The following ELP3 variants were observed in gnomAD, a reference collection of about 807,000 sequenced individuals.
ELP3 encodes elongator acetyltransferase complex subunit 3.
A neutral mutation model predicts 74.9 loss-of-function variants in ELP3; 56 were observed. The ratio of observed to expected loss-of-function variants is 0.75; its 90% CI spans 0.60 to 0.93. The LOEUF is 0.93. Among genes scored for constraint, ELP3 ranks in the 40% least tolerant of loss-of-function variants. The pLI, the probability that ELP3 is intolerant of heterozygous loss-of-function variation, is 0.00. For synonymous variants in ELP3, 222 were observed against 239.8 expected (o/e 0.93, Z 0.68); for missense variants, 573 against 686.5 (o/e 0.83, Z 1.85).
intron 7 of ELP3, among the ~76,000 whole-genome samples, chr8:28,120,236 C>A (rs971524728): frequency 6.6e-6 from 1 of 152,206 alleles, no homozygotes; most frequent in Non-Finnish European, 1.5e-5. Flanking sequence ...CACATCTTCA[C>A]CAACATATGG....
chr8:28,164,051 G>T (rs1814211468), intron 14 of ELP3, among the ~76,000 whole-genome samples: 1 of 152,230 alleles, frequency 6.6e-6, no homozygotes, highest in African/African-American at 2.4e-5. Flanking sequence ...TAATAGTCAA[G>T]TGACTTTCTG....
intron 6 of ELP3, 146 bp from the exon 7 acceptor site, chr8:28,112,873 T>C: frequency 1.7e-6 from 1 of 591,914 alleles, no homozygotes; most frequent in Non-Finnish European, 2.6e-6. Flanking sequence ...CTATTTTTTA[T>C]CCACAGAATT....
chr8:28,189,013 T>A (rs1186785647), intron 14 of ELP3, among the ~76,000 whole-genome samples: 6 of 152,202 alleles, frequency 3.9e-5, no homozygotes, highest in Admixed American at 3.9e-4. Context: ...TTGCTTGGTA[T>A]GGAAAACCTA....
chr8:28,127,557 T>G (rs1812628217), intron 7 of ELP3, among the ~76,000 whole-genome samples: 1 of 152,142 alleles, frequency 6.6e-6, no homozygotes, highest in South Asian at 2.1e-4. Flanking sequence ...ATTTGAAAAA[T>G]GTTTTCCCTC....
intron 14 of ELP3, among the ~76,000 whole-genome samples, chr8:28,172,996 T>C (rs1432326564): frequency 6.6e-6 from 1 of 152,082 alleles, no homozygotes; most frequent in Non-Finnish European, 1.5e-5. Context: ...TTGGTTGTGG[T>C]ATATAATCCT....
intron 14 of ELP3, among the ~76,000 whole-genome samples, chr8:28,165,162 A>T (rs1219728100): frequency 6.6e-6 from 1 of 152,088 alleles, no homozygotes; most frequent in African/African-American, 2.4e-5. Flanking sequence ...TCCGTATTTT[A>T]AAAAAGTGGA....
chr8:28,120,966 T>C (rs986043306), intron 7 of ELP3, among the ~76,000 whole-genome samples: 6 of 152,248 alleles, frequency 3.9e-5, no homozygotes, highest in African/African-American at 1.4e-4. Flanking sequence ...TCAAGTAATA[T>C]GAGTCTTCTA....
intron 10 of ELP3, among the ~76,000 whole-genome samples, chr8:28,148,545 C>T (rs955024175): frequency 7.2e-5 from 11 of 152,106 alleles, no homozygotes; most frequent in African/African-American, 2.7e-4. Context: ...TAACTGGATA[C>T]CATTAAGTAT....
intron 14 of ELP3, among the ~76,000 whole-genome samples, chr8:28,165,439 T>C (rs718343): frequency 0.49 from 73,769 of 152,032 alleles, 18,780 homozygotes; most frequent in East Asian, 0.91. Context: ...CTGGTGATAC[T>C]GTTTGACCTA....
intron 14 of ELP3, among the ~76,000 whole-genome samples, chr8:28,169,322 AC>A (rs369299464): frequency 4.3e-4 from 65 of 152,260 alleles, no homozygotes; most frequent in African/African-American, 1.4e-3. Flanking sequence ...TAAAACAACA[AC>A]CCTCTTATTT....
chr8:28,185,077 C>T (rs1156598322), intron 14 of ELP3, among the ~76,000 whole-genome samples: 4 of 152,136 alleles, frequency 2.6e-5, no homozygotes, highest in African/African-American at 9.7e-5. Context: ...GTGTGTTTGA[C>T]ATTCTCCAAG....
Position 28,137,884 on chromosome 8 carries a change from G to A in ELP3, c.1093G>A (p.Val365Ile). ...LVPPWTRVYR[V>I]QRDIPMPLVS... ...GCCTCCATGGACTCGAGTGTACCGA[G>A]TACAGAGGTAGTGTGTTATCTTTTA... is the stretch of plus-strand genomic sequence containing the variant. Residue 365 changes from valine to isoleucine, a missense_variant, in exon 10 of 15, where the codon GTA becomes ATA. Val to Ile is a conservative substitution (Grantham distance 29). Coordinates refer to ENST00000256398, the MANE Select transcript of ELP3 (RefSeq NM_018091.6). 6.3e-7 allele frequency: 1 copy of A among 1,597,716 alleles called. No homozygotes were observed. Among genetic ancestry groups the A allele is most frequent in the Non-Finnish European group, 8.5e-7 (1 of 1,175,630 alleles).
chr8:28,136,504 T>A (rs1374946887), intron 9 of ELP3, among the ~76,000 whole-genome samples: 2 of 152,198 alleles, frequency 1.3e-5, no homozygotes, highest in Admixed American at 1.3e-4. Context: ...GGCTGCAGAA[T>A]ATTTATTAAA....
intron 14 of ELP3, among the ~76,000 whole-genome samples, chr8:28,180,212 T>A (rs991966376): frequency 6.6e-6 from 1 of 152,152 alleles, no homozygotes; most frequent in Non-Finnish European, 1.5e-5. Flanking sequence ...AACACATGCA[T>A]ATTGACTCTA....
intron 9 of ELP3, among the ~76,000 whole-genome samples, chr8:28,136,317 T>C (rs888485740): frequency 1.8e-4 from 28 of 152,260 alleles, no homozygotes; most frequent in Middle Eastern, 3.4e-3. Flanking sequence ...TTTTAAATTC[T>C]CTAGTGTAAC....
rs761643965 is a variant in ELP3 at position 28,158,576 on chromosome 8, T to C, written c.1200T>C (p.Asp400=). 19 of 1,608,230 alleles carry C rather than the reference T, an allele frequency of 1.2e-5. No individual in the cohort carries two copies. The highest frequency in any genetic ancestry group is 1.5e-5 in the Non-Finnish European group (18 of 1,177,986). ...RMKDLGIQCR[D]VRTREVGIQE... is the part of the protein sequence containing the mutation. ...CCATTTTTTTTTGACAGTGTCGAGA[T>C]GTGAGAACCAGAGAAGTTGGAATCC... The change falls in exon 12 of 15, where the codon GAT becomes GAC. Residue 400 remains aspartate, a synonymous_variant. Transcript: ENST00000256398.
chr8:28,093,542 TTTTCA>T, intron 1 of ELP3: 1 of 435,720 alleles, frequency 2.3e-6, no homozygotes, highest in South Asian at 3.2e-5. Flanking sequence ...GTTGTAGGAC[TTTTCA>T]TTTGTTAAGA....
intron 10 of ELP3, among the ~76,000 whole-genome samples, chr8:28,148,212 AT>A (rs1563273335): frequency 6.6e-6 from 1 of 152,204 alleles, no homozygotes; most frequent in African/African-American, 2.4e-5. Context: ...TAATACTACA[AT>A]AGCATTAGGT....
chr8:28,119,075 G>C (rs560661934), intron 7 of ELP3: 1 of 152,204 alleles, frequency 6.6e-6, no homozygotes, highest in Non-Finnish European at 1.5e-5. Context: ...TGCCCTGGGC[G>C]TCATTTCTGG....
Sources: allele counts gnomAD v4.1 joint callset (sites outside exome capture counted in the v4.1 genomes callset), GRCh38; gene constraint gnomAD v4.1.1; transcripts MANE v1.5; gene names NCBI Gene and HGNC (gene_info 2026-07-23, HGNC 2026-07-21).